CAST: variants seen among roughly 807,000 people sequenced by gnomAD.
CAST encodes the protein MIR583 host.
Under a neutral mutation model 119.6 loss-of-function variants are expected in CAST, and 76 were observed. The ratio of observed to expected loss-of-function variants is 0.64; its 90% confidence interval spans 0.53 to 0.77. CAST has a LOEUF of 0.77. CAST is among the 30% of genes least tolerant of loss of function. The pLI is 0.00. For missense variants in CAST, 953 were observed against 946.5 expected (o/e 1.01, Z -0.09); for synonymous variants, 319 against 331.6 (o/e 0.96, Z 0.41).
chr5:96,327,672 A>T, the CAST span, among the ~76,000 whole-genome samples: 1 of 152,178 alleles, frequency 6.6e-6, no homozygotes, highest in South Asian at 2.1e-4. Flanking sequence ...AATAAACGAG[A>T]AGGTTTTCTT....
intron 1 of CAST, among the ~76,000 whole-genome samples, chr5:96,540,061 A>G (rs7734417): frequency 0.61 from 92,889 of 152,014 alleles, 28,753 homozygotes; most frequent in East Asian, 0.86. Context: ...TATGTGTAGT[A>G]TAAGAATCTT....
chr5:96,715,407 T>C (rs80273453), intron 3 of CAST, among the ~76,000 whole-genome samples: 2,700 of 152,342 alleles, frequency 0.018, 76 homozygotes, highest in African/African-American at 0.063. Flanking sequence ...ATATTTGATA[T>C]GAGGGCAGTC....
At chr5:96,356,876 A>G in the CAST span, among the ~76,000 whole-genome samples, 1 of 152,262 alleles carries the variant, frequency 6.6e-6, no homozygotes, top group African/African-American at 2.4e-5. Flanking sequence ...TAGAAAGTCA[A>G]TGGTAGCTTG....
intron 1 of CAST, among the ~76,000 whole-genome samples, chr5:96,672,282 T>G (rs1750170423): frequency 6.6e-6 from 1 of 152,166 alleles, no homozygotes; most frequent in Non-Finnish European, 1.5e-5. Context: ...TGTGTGTGTA[T>G]GCAAATAGGG....
At chr5:96,603,940 G>A (rs539831139) in intron 1 of CAST, among the ~76,000 whole-genome samples, 5 of 151,646 alleles carry the variant, frequency 3.3e-5, no homozygotes, top group African/African-American at 1.2e-4. Context: ...ATTTTATTTA[G>A]TTTTTGTAGA....
the CAST span, among the ~76,000 whole-genome samples, chr5:96,143,559 G>A: frequency 1.3e-5 from 2 of 152,206 alleles, no homozygotes; most frequent in Admixed American, 1.3e-4. Flanking sequence ...GACCCAGGGC[G>A]GGTAGAGTGC....
chr5:96,619,084 G>A (rs1747534454), intron 1 of CAST, among the ~76,000 whole-genome samples: 1 of 151,798 alleles, frequency 6.6e-6, no homozygotes, highest in Non-Finnish European at 1.5e-5. Flanking sequence ...TCTGTGTCTA[G>A]CTAATCTAGT....
chr5:95,979,025 A>G, the CAST span, among the ~76,000 whole-genome samples: 1 of 152,198 alleles, frequency 6.6e-6, no homozygotes, highest in Non-Finnish European at 1.5e-5. Flanking sequence ...CCAAAAGAGC[A>G]AAGTACATTT....
chr5:96,342,430 T>G, the CAST span, among the ~76,000 whole-genome samples: 15 of 152,282 alleles, frequency 9.9e-5, no homozygotes, highest in Middle Eastern at 3.4e-3. Context: ...GATTGGGGCC[T>G]GAGAATTTAC....
chr5:96,644,529 G>A (rs1296062603), intron 1 of CAST, among the ~76,000 whole-genome samples: 2 of 152,126 alleles, frequency 1.3e-5, no homozygotes, highest in African/African-American at 4.8e-5. Context: ...GTTTATTTTG[G>A]AGTAATTTTA....
chr5:96,577,536 T>C (rs1446361388), intron 1 of CAST, among the ~76,000 whole-genome samples: 3 of 152,148 alleles, frequency 2.0e-5, no homozygotes, highest in Non-Finnish European at 2.9e-5. Context: ...AATTTCCCTC[T>C]CAGCACTACT....
chr5:96,670,976 T>C (rs940397644), intron 1 of CAST, among the ~76,000 whole-genome samples: 4 of 152,338 alleles, frequency 2.6e-5, no homozygotes, highest in African/African-American at 4.8e-5. Flanking sequence ...TTAGCTCTTA[T>C]TGATTTTTTT....
the CAST span, among the ~76,000 whole-genome samples, chr5:96,153,888 C>T: frequency 1.3e-5 from 2 of 152,010 alleles, no homozygotes; most frequent in African/African-American, 4.8e-5. Context: ...CCAAATGTTT[C>T]GAAATATATG....
At chr5:96,568,564 CAAAAAA>C (rs70981830) in intron 1 of CAST, among the ~76,000 whole-genome samples, 1 of 70,914 alleles carries the variant, frequency 1.4e-5, no homozygotes, top group African/African-American at 6.2e-5. Context: ...GACTCCATCT[CAAAAAA>C]AAAAAAAAAA....
intron 1 of CAST, among the ~76,000 whole-genome samples, chr5:96,626,570 C>A (rs920743679): frequency 1.3e-5 from 2 of 152,208 alleles, no homozygotes; most frequent in Admixed American, 1.3e-4. Flanking sequence ...TGAAGCCCCA[C>A]CTCCTCCCAT....
intron 1 of CAST, among the ~76,000 whole-genome samples, chr5:96,594,920 A>G (rs1747029355): frequency 6.6e-6 from 1 of 152,224 alleles, no homozygotes; most frequent in Non-Finnish European, 1.5e-5. Context: ...ATGTTTCGAG[A>G]AAGGCAAGAC....
At chr5:96,515,047 G>A in the CAST span, among the ~76,000 whole-genome samples, 5 of 152,090 alleles carry the variant, frequency 3.3e-5, no homozygotes, top group Admixed American at 1.3e-4. Context: ...CACTGTGCAC[G>A]GCCAGTGCTA....
chr5:96,228,307 TTC>T, the CAST span, among the ~76,000 whole-genome samples: 1 of 152,194 alleles, frequency 6.6e-6, no homozygotes, highest in African/African-American at 2.4e-5. Context: ...CAGTCAGTTT[TTC>T]TGTTACTCAT....
chr5:96,357,508 C>A, the CAST span, among the ~76,000 whole-genome samples: 1 of 152,140 alleles, frequency 6.6e-6, no homozygotes. Context: ...TACCTTCCAA[C>A]GATACCTAGT....
Sources: allele counts gnomAD v4.1 joint callset (sites outside exome capture counted in the v4.1 genomes callset), GRCh38; gene constraint gnomAD v4.1.1; transcripts MANE v1.5; gene names NCBI Gene and HGNC (gene_info 2026-07-23, HGNC 2026-07-21).